CNIH3: variants seen among roughly 807,000 people sequenced by gnomAD.
The protein encoded by CNIH3 is protein cornichon homolog 3.
A neutral mutation model predicts 24.1 loss-of-function variants in CNIH3; 14 were observed. The ratio of observed to expected loss-of-function variants is 0.58; its 90% CI spans 0.38 to 0.91. The LOEUF is 0.91. CNIH3 is among the 40% of genes least tolerant of loss of function. The pLI is 0.00. For synonymous variants in CNIH3, 68 were observed against 73.8 expected, an observed-to-expected ratio of 0.92 and a Z score of 0.40; for missense variants, 178 against 196.8, an observed-to-expected ratio of 0.90 and a Z score of 0.57.
At chr1:224,661,577 C>CA in intron 1 of CNIH3, 3 of 377,672 alleles carry the variant, frequency 7.9e-6, no homozygotes, top group South Asian at 2.5e-5. Context: ...TCTCTTCCAC[C>CA]AAAAAATTCC....
chr1:224,699,750 A>G (rs1020409834), intron 3 of CNIH3, among the ~76,000 whole-genome samples: 2 of 152,214 alleles, frequency 1.3e-5, no homozygotes, highest in Non-Finnish European at 2.9e-5. Flanking sequence ...CAACCCAGAG[A>G]TTCATACCTT....
At chr1:224,693,757 C>T (rs937413489) in intron 3 of CNIH3, among the ~76,000 whole-genome samples, 8 of 152,312 alleles carry the variant, frequency 5.3e-5, no homozygotes, top group Non-Finnish European at 7.3e-5. Flanking sequence ...ATGCTAGGAT[C>T]GTATCAGGAA....
rs547345385 is a variant in CNIH3, at chr1:224,435,870, G to A, written n.203+1008G>A. On this transcript the variant is annotated intron_variant and non_coding_transcript_variant, in intron 1 of 5. Transcript: ENST00000471578. ...ATAAAGATTTTCTCAGAAATTTAAA[G>A]TCTTTCTCTGAAGTAGTTTTCCTGT... 2.6e-5 allele frequency: 4 copies of A among 152,232 alleles called. No homozygotes were observed. In the East Asian group the frequency reaches 7.7e-4, roughly 29 times the overall value. The allele number at this position is 152,232 out of a possible 1,614,324, so 9.4% of individuals were successfully genotyped here. A position where few individuals can be genotyped will look rare whatever the true frequency, so the allele number is the denominator to read the frequency against.
intron 3 of CNIH3, among the ~76,000 whole-genome samples, chr1:224,690,133 G>T (rs1339992280): frequency 6.6e-6 from 1 of 152,196 alleles, no homozygotes; most frequent in African/African-American, 2.4e-5. Flanking sequence ...TTCATCAGTG[G>T]TAGTCATCAA....
chr1:224,564,380 A>G (rs1164618117), intron 3 of CNIH3, among the ~76,000 whole-genome samples: 1 of 152,252 alleles, frequency 6.6e-6, no homozygotes, highest in Non-Finnish European at 1.5e-5. Context: ...TTTGAGGAAT[A>G]AAATCTATTA....
At chr1:224,732,651 C>T (rs1286494341) in intron 4 of CNIH3, among the ~76,000 whole-genome samples, 1 of 152,192 alleles carries the variant, frequency 6.6e-6, no homozygotes, top group African/African-American at 2.4e-5. Context: ...CTCTTCTCCT[C>T]CAGGAAAGGA....
At chr1:224,574,858 A>T in intron 4 of CNIH3, 1 of 969,906 alleles carries the variant, frequency 1.0e-6, no homozygotes, top group Non-Finnish European at 1.7e-6. Context: ...AACATTCTGG[A>T]CACATGGGCG....
intron 1 of CNIH3, among the ~76,000 whole-genome samples, chr1:224,622,102 T>G (rs1572604506): frequency 6.6e-6 from 1 of 152,238 alleles, no homozygotes; most frequent in East Asian, 1.9e-4. Context: ...TAAACTTCTT[T>G]TCTTTGTAAA....
intron 1 of CNIH3, among the ~76,000 whole-genome samples, chr1:224,456,466 G>A (rs746218812): frequency 6.6e-6 from 1 of 152,140 alleles, no homozygotes; most frequent in Non-Finnish European, 1.5e-5. Flanking sequence ...GCTGGAGTGC[G>A]GTGGTGCAGT....
chr1:224,715,515 C>T (rs889491275), intron 3 of CNIH3, among the ~76,000 whole-genome samples: 1 of 152,160 alleles, frequency 6.6e-6, no homozygotes, highest in Non-Finnish European at 1.5e-5. Flanking sequence ...TTGTCTTAGT[C>T]TGTTTTGTGT....
intron 5 of CNIH3, among the ~76,000 whole-genome samples, chr1:224,736,601 G>T (rs114376136): frequency 6.6e-6 from 1 of 152,172 alleles, no homozygotes; most frequent in Non-Finnish European, 1.5e-5. Flanking sequence ...GACAATCTTG[G>T]TGCACACCTT....
chr1:224,454,469 C>T (rs545725699), intron 1 of CNIH3: 27 of 317,152 alleles, frequency 8.5e-5, no homozygotes, highest in African/African-American at 3.2e-4. Flanking sequence ...TTTCTGGTCC[C>T]GTCCCTGAAG....
At chr1:224,644,507 T>C (rs901706605) in intron 1 of CNIH3, among the ~76,000 whole-genome samples, 3 of 152,154 alleles carry the variant, frequency 2.0e-5, no homozygotes, top group African/African-American at 7.2e-5. Context: ...CTGGCTCTAA[T>C]ATTATGCCTG....
Position 224,684,599 on chromosome 1 carries a change from C to A in CNIH3, c.151-197C>A, listed in dbSNP as rs1686563915. 6.6e-6 allele frequency among the ~76,000 whole-genome samples: 1 copy of A among 152,196 alleles called. No homozygotes were observed. The highest frequency in any genetic ancestry group is 1.5e-5 in the Non-Finnish European group (1 of 68,030). On this transcript the variant is annotated intron_variant, in intron 2 of 5. Transcript: ENST00000272133. The surrounding 1 kb of genome is among the most constrained non-coding windows in gnomAD (Gnocchi z 4.2). The stretch of plus-strand genomic sequence containing the variant: ...GGAGAGTTCTGCTAAGAGCAAATGA[C>A]CATGACAAGGTACAGGGAAGAAAGT...
chr1:224,695,903 T>C (rs912172828), intron 3 of CNIH3, among the ~76,000 whole-genome samples: 1 of 152,246 alleles, frequency 6.6e-6, no homozygotes, highest in Non-Finnish European at 1.5e-5. Context: ...AATCATTGAT[T>C]GTTCTGACAG....
In CNIH3 at chr1:224,730,585, C is replaced by T. The variant is rs1472969449; in HGVS notation, c.311+11C>T. The T allele has an allele frequency of 2.7e-6, 4 of 1,491,312 alleles. No individual in the cohort carries two copies. The highest frequency in any genetic ancestry group is 2.7e-6 in the Non-Finnish European group (3 of 1,091,546). 92.4% of individuals were successfully genotyped at this position (1,491,312 alleles called of 1,614,324 possible). A position where few individuals can be genotyped will look rare whatever the true frequency, so the allele number is the denominator to read the frequency against. On this transcript the variant is annotated intron_variant, in intron 4 of 5. Transcript: ENST00000272133. ...CTATCACTTCTGGAGGTAAGTCAGACTGGGACTGGTATATCCTTCGTCTTT... is the reference window on the plus strand; with the variant it reads ...CTATCACTTCTGGAGGTAAGTCAGATTGGGACTGGTATATCCTTCGTCTTT...
intron 1 of CNIH3, among the ~76,000 whole-genome samples, chr1:224,675,458 AC>A (rs1308805859): frequency 6.6e-6 from 1 of 152,188 alleles, no homozygotes; most frequent in African/African-American, 2.4e-5. Flanking sequence ...TAAAAGAAAA[AC>A]TGATAAATGG....
chr1:224,454,274 T>TTC (rs397717622), intron 1 of CNIH3: 3 of 979,556 alleles, frequency 3.1e-6, no homozygotes, highest in Non-Finnish European at 3.6e-6. Flanking sequence ...TTTTTTTTTT[T>TTC]CAGATCTCTG....
chr1:224,584,565 A>G (rs1157557479), intron 5 of CNIH3, among the ~76,000 whole-genome samples: 1 of 152,246 alleles, frequency 6.6e-6, no homozygotes, highest in East Asian at 1.9e-4. Flanking sequence ...TTGTCATGGA[A>G]GAAAGACTGG....
Sources: allele counts gnomAD v4.1 joint callset (sites outside exome capture counted in the v4.1 genomes callset), GRCh38; gene constraint gnomAD v4.1.1; non-coding constraint Gnocchi (gnomAD v3.1); transcripts MANE v1.5; gene names NCBI Gene and HGNC (gene_info 2026-07-23, HGNC 2026-07-21).